HS6ST2: variants seen among roughly 807,000 people sequenced by gnomAD.
HS6ST2 encodes heparan sulfate 6-O-sulfotransferase 2.
HS6ST2 carries 17 observed loss-of-function variants against 33.0 expected under a neutral mutation model. The ratio of observed to expected loss-of-function variants is 0.52; its 90% CI spans 0.35 to 0.77. The LOEUF (loss-of-function observed/expected upper bound fraction) is 0.77. HS6ST2 is among the 30% of genes least tolerant of loss of function. The pLI is 0.01. For missense variants in HS6ST2, 519 were observed against 551.7 expected, an observed-to-expected ratio of 0.94 and a Z score of 0.59; for synonymous variants, 248 against 237.1, an observed-to-expected ratio of 1.05 and a Z score of -0.42.
intron 3 of HS6ST2, among the ~76,000 whole-genome samples, chrX:132,692,389 C>T (rs1471831949): frequency 9.0e-6 from 1 of 111,076 alleles, no homozygotes; most frequent in Non-Finnish European, 1.9e-5. Flanking sequence ...AGCGCCAACC[C>T]GCTCCCTTCT....
chrX:132,804,984 A>T (rs1469680023), intron 2 of HS6ST2, among the ~76,000 whole-genome samples: 1 of 111,228 alleles, frequency 9.0e-6, no homozygotes, highest in Non-Finnish European at 1.9e-5. Flanking sequence ...GGAAATTCTG[A>T]TATATATACA....
chrX:132,648,158 T>C (rs767208775), intron 4 of HS6ST2, among the ~76,000 whole-genome samples: 1 of 112,284 alleles, frequency 8.9e-6, no homozygotes, highest in East Asian at 2.8e-4. Flanking sequence ...AAAAACTGCT[T>C]GATTCATGAG....
intron 3 of HS6ST2, among the ~76,000 whole-genome samples, chrX:132,694,982 T>C (rs2064091933): frequency 9.0e-6 from 1 of 110,656 alleles, no homozygotes; most frequent in African/African-American, 3.3e-5. Flanking sequence ...AAGTTTGAGA[T>C]CCCAACTAAA....
intron 2 of HS6ST2, among the ~76,000 whole-genome samples, chrX:132,759,992 G>A (rs1308491029): frequency 3.6e-5 from 4 of 111,800 alleles, no homozygotes; most frequent in Non-Finnish European, 7.5e-5. Flanking sequence ...TGGCTAATAA[G>A]TAAAGACATG....
chrX:132,681,155 C>T (rs1384605684), intron 3 of HS6ST2, among the ~76,000 whole-genome samples: 3 of 111,627 alleles, frequency 2.7e-5, no homozygotes. Context: ...GCAACCTGTT[C>T]TCAATTCCTG....
intron 2 of HS6ST2, among the ~76,000 whole-genome samples, chrX:132,926,878 G>A (rs990422922): frequency 3.6e-5 from 4 of 111,568 alleles, no homozygotes; most frequent in Admixed American, 9.5e-5. Flanking sequence ...AACTGAGATC[G>A]CACCAATGCA....
intron 2 of HS6ST2, among the ~76,000 whole-genome samples, chrX:132,873,735 C>T (rs892811207): frequency 5.4e-5 from 6 of 111,318 alleles, no homozygotes; most frequent in African/African-American, 2.0e-4. Flanking sequence ...GCTTTAAAGA[C>T]ATGAGCAGTC....
At chrX:132,932,042 C>A (rs1050450958) in intron 2 of HS6ST2, among the ~76,000 whole-genome samples, 2 of 109,391 alleles carry the variant, frequency 1.8e-5, no homozygotes, top group Admixed American at 1.9e-4. Flanking sequence ...AAAAATTAGC[C>A]GGGCGTGGTG....
At chrX:132,856,653 C>T (rs2065854443) in intron 2 of HS6ST2, among the ~76,000 whole-genome samples, 1 of 110,772 alleles carries the variant, frequency 9.0e-6, no homozygotes, top group Non-Finnish European at 1.9e-5. Flanking sequence ...ACTAATAATC[C>T]TCCAGCAATG....
At chrX:132,915,283 C>T (rs754167333) in intron 2 of HS6ST2, among the ~76,000 whole-genome samples, 2 of 112,484 alleles carry the variant, frequency 1.8e-5, no homozygotes, top group Non-Finnish European at 3.8e-5. Flanking sequence ...ATGGCACCAA[C>T]TTGTAGTTGA....
intron 4 of HS6ST2, among the ~76,000 whole-genome samples, chrX:132,633,407 C>T (rs2063532612): frequency 9.0e-6 from 1 of 111,106 alleles, no homozygotes; most frequent in Non-Finnish European, 1.9e-5. Context: ...AGATGAAATT[C>T]GTGAAGTTAG....
intron 2 of HS6ST2, among the ~76,000 whole-genome samples, chrX:132,891,267 C>A (rs1490448204): frequency 2.8e-5 from 3 of 106,274 alleles, no homozygotes; most frequent in Non-Finnish European, 3.8e-5. Flanking sequence ...TGGGGCAAAA[C>A]TGTCATCATC....
chrX:132,866,719 G>C (rs1258299914), intron 2 of HS6ST2, among the ~76,000 whole-genome samples: 1 of 54,760 alleles, frequency 1.8e-5, no homozygotes, highest in Non-Finnish European at 3.2e-5. Context: ...GGATTCCTAG[G>C]TATTTTATTC....
intron 4 of HS6ST2, among the ~76,000 whole-genome samples, chrX:132,666,115 C>T (rs1365363228): frequency 8.9e-6 from 1 of 111,939 alleles, no homozygotes; most frequent in Admixed American, 9.5e-5. Context: ...GGATTCTGCC[C>T]CTCTGGAGTG....
intron 4 of HS6ST2, among the ~76,000 whole-genome samples, chrX:132,637,864 ATAT>A (rs1452210794): frequency 3.7e-4 from 13 of 35,182 alleles, no homozygotes; most frequent in Non-Finnish European, 5.2e-4. Flanking sequence ...TATATATAAT[ATAT>A]TATATATAAT....
chrX:132,722,773 G>C (rs754825987), intron 2 of HS6ST2, among the ~76,000 whole-genome samples: 1 of 110,416 alleles, frequency 9.1e-6, no homozygotes, highest in South Asian at 3.8e-4. Context: ...TATACAGTGA[G>C]GCTAAAGGAA....
intron 2 of HS6ST2, among the ~76,000 whole-genome samples, chrX:132,756,228 A>G (rs1442982249): frequency 3.6e-5 from 4 of 112,187 alleles, no homozygotes; most frequent in Non-Finnish European, 7.5e-5. Context: ...ATAATACTGA[A>G]GGATGGGGAG....
chrX:132,826,780 G>A (rs1273784300), intron 2 of HS6ST2, among the ~76,000 whole-genome samples: 1 of 110,452 alleles, frequency 9.1e-6, no homozygotes, highest in African/African-American at 3.3e-5. Context: ...CAACCTAGTG[G>A]CATTTGAATT....
intron 2 of HS6ST2, among the ~76,000 whole-genome samples, chrX:132,909,183 G>C (rs891513972): frequency 9.0e-6 from 1 of 111,232 alleles, no homozygotes; most frequent in African/African-American, 3.3e-5. Flanking sequence ...TTTTCTGCCT[G>C]AGCAAATTCT....
Sources: gnomAD v4.1 joint callset for allele counts (sites outside exome capture counted in the v4.1 genomes callset) on GRCh38, gnomAD v4.1.1 for gene constraint, MANE v1.5 for transcripts, NCBI Gene and HGNC (gene_info 2026-07-23, HGNC 2026-07-21) for gene names.